The following PAWR variants were observed in gnomAD, a reference collection of about 807,000 sequenced individuals.
PAWR encodes the protein PRKC apoptosis WT1 regulator protein.
In PAWR, 23 loss-of-function variants were observed where a neutral mutation model predicts 32.0. The ratio of observed to expected loss-of-function variants is 0.72; its 90% CI spans 0.52 to 1.02. PAWR has a LOEUF of 1.02. Ranked by LOEUF, PAWR falls within the 50% of genes least tolerant of loss-of-function variation. The pLI, the probability that PAWR is intolerant of heterozygous loss-of-function variation, is 0.00. For missense variants in PAWR, 457 were observed against 437.7 expected (o/e 1.04, Z -0.39); for synonymous variants, 226 against 187.1 (o/e 1.21, Z -1.70).
intron 2 of PAWR, among the ~76,000 whole-genome samples, chr12:79,668,612 C>A (rs984461462): frequency 2.6e-5 from 4 of 152,202 alleles, no homozygotes; most frequent in African/African-American, 9.7e-5. Context: ...GAGTGCACAA[C>A]CTACATCCCT....
chr12:79,623,404 T>C (rs1234261975), intron 2 of PAWR, among the ~76,000 whole-genome samples: 3 of 152,154 alleles, frequency 2.0e-5, no homozygotes, highest in African/African-American at 7.2e-5. Context: ...TGCTAGTTGA[T>C]AGAACTAGGT....
At chr12:79,655,560 A>C (rs2136809610) in intron 2 of PAWR, among the ~76,000 whole-genome samples, 1 of 152,342 alleles carries the variant, frequency 6.6e-6, no homozygotes, top group Admixed American at 6.5e-5. Context: ...GTAGCTAAAA[A>C]GGATAACCAA....
At chr12:79,683,593 C>G (rs73345563) in intron 2 of PAWR, among the ~76,000 whole-genome samples, 1,819 of 150,296 alleles carry the variant, frequency 0.012, 45 homozygotes, top group African/African-American at 0.042. Flanking sequence ...AAGTGGTAAG[C>G]AGTGGAAACT....
intron 2 of PAWR, among the ~76,000 whole-genome samples, chr12:79,675,310 T>G (rs552873396): frequency 8.0e-4 from 121 of 152,152 alleles, no homozygotes; most frequent in Admixed American, 2.4e-3. Flanking sequence ...GCCTGGAAGG[T>G]GGAGGTTGCA....
intron 2 of PAWR, among the ~76,000 whole-genome samples, chr12:79,655,877 T>C (rs1877069519): frequency 6.6e-6 from 1 of 152,214 alleles, no homozygotes; most frequent in South Asian, 2.1e-4. Flanking sequence ...TTGTGGGGTA[T>C]ACAGTGTAAA....
At chr12:79,617,542 G>C (rs532765906) in intron 3 of PAWR, among the ~76,000 whole-genome samples, 2 of 151,800 alleles carry the variant, frequency 1.3e-5, no homozygotes, top group Admixed American at 1.3e-4. Flanking sequence ...TCTTAAATTA[G>C]AAATGTTAGG....
chr12:79,664,514 TTTTG>T (rs1447702606), intron 2 of PAWR, among the ~76,000 whole-genome samples: 1 of 152,230 alleles, frequency 6.6e-6, no homozygotes, highest in Non-Finnish European at 1.5e-5. Flanking sequence ...GAAAGGGCAT[TTTTG>T]TTTGTTTTTA....
chr12:79,681,560 A>G (rs1390892974), intron 2 of PAWR, among the ~76,000 whole-genome samples: 1 of 152,234 alleles, frequency 6.6e-6, no homozygotes, highest in East Asian at 1.9e-4. Flanking sequence ...ACACAAATCA[A>G]TAGTGTGGTT....
intron 2 of PAWR, among the ~76,000 whole-genome samples, chr12:79,663,782 C>A (rs552568435): frequency 1.3e-5 from 2 of 151,190 alleles, no homozygotes; most frequent in South Asian, 2.1e-4. Flanking sequence ...AAAAAAAAAA[C>A]CCTATTTATT....
At position 79,635,205 on chromosome 12, in the gene PAWR, T is replaced by C. The variant is rs530338372; in HGVS notation, c.517-13998A>G. ...CCTGTGGTGTCTCAACTGGAACTTATTTAATTCCCCTCATAGCTTGGGACC... is the reference window on the plus strand; with the variant it reads ...CCTGTGGTGTCTCAACTGGAACTTACTTAATTCCCCTCATAGCTTGGGACC... On this transcript the variant is annotated intron_variant, in intron 2 of 6. Transcript: ENST00000328827. Among the ~76,000 whole-genome samples the C allele has an allele frequency of 2.6e-5, 4 of 152,256 alleles. No individual in the cohort carries two copies. The East Asian group carries it at 7.7e-4, about 29-fold the overall frequency.
At chr12:79,672,316 ATCTCT>A (rs1284736870) in intron 2 of PAWR, among the ~76,000 whole-genome samples, 1 of 152,144 alleles carries the variant, frequency 6.6e-6, no homozygotes, top group African/African-American at 2.4e-5. Flanking sequence ...CCTGGTCTTT[ATCTCT>A]TCTCACCTAC....
intron 2 of PAWR, among the ~76,000 whole-genome samples, chr12:79,639,011 C>G (rs1177227117): frequency 7.2e-6 from 1 of 138,438 alleles, no homozygotes; most frequent in Non-Finnish European, 1.5e-5. Flanking sequence ...CTCCTGGATT[C>G]AAGAGATTCT....
At chr12:79,642,010 A>C (rs1368444759) in intron 2 of PAWR, among the ~76,000 whole-genome samples, 1 of 152,144 alleles carries the variant, frequency 6.6e-6, no homozygotes, top group East Asian at 1.9e-4. Flanking sequence ...CATTCAATCT[A>C]AGATGCCACT....
intron 2 of PAWR, among the ~76,000 whole-genome samples, chr12:79,685,901 C>T (rs1878659164): frequency 1.3e-5 from 2 of 152,058 alleles, no homozygotes; most frequent in South Asian, 2.1e-4. Context: ...ACAAAATACA[C>T]AAAAATGTTT....
chr12:79,607,338 GA>G (rs1209776720), intron 4 of PAWR, among the ~76,000 whole-genome samples: 1 of 152,064 alleles, frequency 6.6e-6, no homozygotes, highest in Non-Finnish European at 1.5e-5. Context: ...GATTTCTTTA[GA>G]AAGGGTCATA....
chr12:79,629,257 T>C (rs1021511058), intron 2 of PAWR, among the ~76,000 whole-genome samples: 2 of 151,960 alleles, frequency 1.3e-5, no homozygotes, highest in African/African-American at 2.4e-5. Flanking sequence ...AAGAAACACA[T>C]TTAAATAGAA....
chr12:79,614,911 G>A (rs773550336), intron 3 of PAWR, among the ~76,000 whole-genome samples: 1 of 152,188 alleles, frequency 6.6e-6, no homozygotes, highest in Non-Finnish European at 1.5e-5. Flanking sequence ...GAGACTAGGA[G>A]ACTATGGGTT....
chr12:79,585,296 A>C lies in PAWR; in HGVS notation c.*7311T>G, dbSNP rs1873355781. The C allele has an allele frequency of 3.3e-6, 1 of 305,926 alleles. No homozygotes were observed. Among genetic ancestry groups the C allele is most frequent in the African/African-American group, 2.2e-5 (1 of 44,678 alleles). 19.0% of individuals were successfully genotyped at this position (305,926 alleles called of 1,614,324 possible). ...TTAGGCCTGCATCAAAATTACATGA[A>C]GCGCTTGTTAAAACAGATTGAGCCC... On this transcript the variant is annotated 3_prime_UTR_variant, in exon 7 of 7. Coordinates refer to ENST00000328827, the MANE Select transcript of PAWR (RefSeq NM_002583.4).
intron 2 of PAWR, among the ~76,000 whole-genome samples, chr12:79,678,868 A>AT (rs11383561): frequency 0.45 from 57,341 of 127,668 alleles, 15,760 homozygotes; most frequent in African/African-American, 0.75. Flanking sequence ...CCTTTAGGGT[A>AT]TTTTTTTTTT....
Sources: gnomAD v4.1 joint callset for allele counts (sites outside exome capture counted in the v4.1 genomes callset) on GRCh38, gnomAD v4.1.1 for gene constraint, MANE v1.5 for transcripts, NCBI Gene and HGNC (gene_info 2026-07-23, HGNC 2026-07-21) for gene names.